PCNT: variants seen among roughly 807,000 people sequenced by gnomAD.
The protein encoded by PCNT is kendrin.
In PCNT, 319 loss-of-function variants were observed where a neutral mutation model predicts 380.4. The observed-to-expected ratio is 0.84, with a 90% CI of 0.77 to 0.92. PCNT has a LOEUF of 0.92. Ranked by LOEUF, PCNT falls within the 40% of genes least tolerant of loss-of-function variation. The pLI, the probability that PCNT is intolerant of heterozygous loss-of-function variation, is 0.00. For synonymous variants in PCNT, 1,845 were observed against 1,735.2 expected (o/e 1.06, Z -1.57); for missense variants, 4,400 against 4,255.3 (o/e 1.03, Z -0.95).
In PCNT at chr21:46,363,822, G is replaced by A. The variant is rs146717358; in HGVS notation, c.2497G>A (p.Ala833Thr). 33 of 1,612,360 alleles carry A rather than the reference G, an allele frequency of 2.0e-5. No individual in the cohort carries two copies. Among genetic ancestry groups the A allele is most frequent in the East Asian group, 6.7e-5 (3 of 44,876 alleles). ...QLEQDLTSDD[A>T]LHCSQCGREP... ...GGAACAGGACCTCACTTCAGACGACGCCCTGCATTGCAGCCAGTGTGGGCG... is the reference window on the plus strand; with the variant it reads ...GGAACAGGACCTCACTTCAGACGACACCCTGCATTGCAGCCAGTGTGGGCG... Residue 833 changes from alanine to threonine, a missense_variant, in exon 14 of 47, where the codon GCC becomes ACC. Transcript: ENST00000359568.
intron 35 of PCNT, among the ~76,000 whole-genome samples, chr21:46,429,536 G>A (rs565519506): frequency 4.8e-4 from 73 of 152,204 alleles, no homozygotes; most frequent in Non-Finnish European, 7.1e-4. Flanking sequence ...GCACTGGTCT[G>A]TTTTCTGTTG....
At chr21:46,402,565 G>T in intron 27 of PCNT, 82 bp downstream of exon 27, 1 of 1,468,066 alleles carries the variant, frequency 6.8e-7, no homozygotes, top group Non-Finnish European at 9.5e-7. Flanking sequence ...CCTCATCGGG[G>T]AGGCGAGTCT....
intron 16 of PCNT, among the ~76,000 whole-genome samples, chr21:46,385,380 G>C (rs1402986522): frequency 6.6e-6 from 1 of 152,168 alleles, no homozygotes; most frequent in African/African-American, 2.4e-5. Flanking sequence ...TTGCCTGCCT[G>C]GCAACTGACT....
At chr21:46,406,083 C>T (rs1468450570) in intron 27 of PCNT, among the ~76,000 whole-genome samples, 1 of 152,294 alleles carries the variant, frequency 6.6e-6, no homozygotes, top group African/African-American at 2.4e-5. Context: ...CTGTATTCTA[C>T]CCTATTTTAT....
At chr21:46,367,589 G>A (rs2084974836) in intron 15 of PCNT, among the ~76,000 whole-genome samples, 1 of 152,186 alleles carries the variant, frequency 6.6e-6, no homozygotes, top group Non-Finnish European at 1.5e-5. Flanking sequence ...TTACAGGTAT[G>A]AGCCACCGCA....
In PCNT at chr21:46,428,434, C is replaced by G. The variant is rs1262789544; in HGVS notation, c.7534C>G (p.Pro2512Ala). Residue 2512 changes from proline (P) to alanine (A), a missense_variant, in exon 35 of 47, where the codon CCG becomes GCG. By Grantham distance (27) the Pro-to-Ala change is conservative. Coordinates refer to ENST00000359568, the MANE Select transcript of PCNT (RefSeq NM_006031.6). ...QEKSLEHLRLPDRSSLLSEIQ... is the reference protein window; with the variant it reads ...QEKSLEHLRLADRSSLLSEIQ... ...AAAGTCCCTGGAGCATCTTCGCTTG[C>G]CGGACCGGAGCAGCCTGCTGTCCGA... is the stretch of plus-strand genomic sequence containing the variant. The G allele has an allele frequency of 1.9e-6, 3 of 1,612,516 alleles. No individual in the cohort carries two copies. The highest frequency in any genetic ancestry group is 2.5e-6 in the Non-Finnish European group (3 of 1,179,858).
Position 46,430,331 on chromosome 21 carries a change from G to C in PCNT, c.7913+99G>C, listed in dbSNP as rs2087697009. 1.5e-5 allele frequency: 21 copies of C among 1,402,256 alleles called. No homozygotes were observed. The South Asian group carries it at 2.5e-4, about 16-fold the overall frequency. The allele number at this position is 1,402,256 out of a possible 1,614,324, so 86.9% of individuals were successfully genotyped here. ...GAGACAGAACCTCTGGTGGGCCGCA[G>C]TTGGGCAGCCCCAGGGGCACCGCGC... On this transcript the variant is annotated intron_variant, in intron 36 of 46. Transcript: ENST00000359568.
Position 46,388,309 on chromosome 21 carries a change from A to G in PCNT, c.3465-433A>G, listed in dbSNP as rs372281909. 6.6e-6 allele frequency among the ~76,000 whole-genome samples: 1 copy of G among 152,046 alleles called. No homozygotes were observed. The highest frequency in any genetic ancestry group is 1.5e-5 in the Non-Finnish European group (1 of 68,016). On this transcript the variant is annotated intron_variant, in intron 17 of 46. Coordinates refer to ENST00000359568, the MANE Select transcript of PCNT (RefSeq NM_006031.6). This position sits in a 1 kb window ranked among gnomAD's most constrained non-coding sequence, Gnocchi z 4.2. ...TCTTCCTGCCACACAACTCCTGTGA[A>G]TGTGTGGCTGAGGCGTGACTTGGTG... is the stretch of plus-strand genomic sequence containing the variant.
At chr21:46,356,180 CTGGCGTGGACTGTGCTGATGG>C (rs2084467807) in intron 12 of PCNT, among the ~76,000 whole-genome samples, 1 of 152,184 alleles carries the variant, frequency 6.6e-6, no homozygotes. Flanking sequence ...GCCCTGGCCA[CTGGCGTGGACTGTGCTGATGG>C]TGGGGCTGCC....
chr21:46,344,064 CTTTTCTTTTT>C (rs1327615160), intron 3 of PCNT, among the ~76,000 whole-genome samples: 5 of 149,652 alleles, frequency 3.3e-5, no homozygotes, highest in Admixed American at 2.0e-4. Context: ...CTTTTCTTTT[CTTTTCTTTTT>C]TTTTTTTTGA....
intron 3 of PCNT, among the ~76,000 whole-genome samples, chr21:46,341,065 G>T (rs1201851151): frequency 2.2e-4 from 2 of 8,974 alleles, no homozygotes; most frequent in South Asian, 8.3e-3. Context: ...TGTATTTTTA[G>T]TAGAGATGGG....
chr21:46,398,814 CTTTTTCTTTTTTTTTTT>C (rs930375859), intron 24 of PCNT, among the ~76,000 whole-genome samples: 1 of 136,748 alleles, frequency 7.3e-6, no homozygotes, highest in African/African-American at 2.7e-5. Context: ...CTTTTTTTTT[CTTTTTCTTTTTTTTTTT>C]TTTTTTGAGT....
chr21:46,423,204 CTTT>C (rs34458143), intron 32 of PCNT, among the ~76,000 whole-genome samples: 3 of 142,166 alleles, frequency 2.1e-5, no homozygotes, highest in Non-Finnish European at 3.1e-5. Context: ...TTTGCATTTC[CTTT>C]TTTTTTTTTT....
chr21:46,422,362 T>G (rs1307289691), intron 32 of PCNT, among the ~76,000 whole-genome samples: 2 of 152,206 alleles, frequency 1.3e-5, no homozygotes, highest in Non-Finnish European at 2.9e-5. Context: ...GGGAGGGTCC[T>G]GTGAGCCCGT....
chr21:46,429,356 C>T lies in PCNT; in HGVS notation c.7691-654C>T, dbSNP rs571617195. On this transcript the variant is annotated intron_variant, in intron 35 of 46. Coordinates refer to ENST00000359568, the MANE Select transcript of PCNT (RefSeq NM_006031.6). ...GGGGGGCTGGCGCTGTGCACGTGCT[C>T]GTGAGGGGCACGGGCAGGGGGTGCC... 9.9e-3 allele frequency among the ~76,000 whole-genome samples: 747 copies of T among 75,810 alleles called. 14 individuals are homozygous for T. The highest frequency in any genetic ancestry group is 0.062 in the African/African-American group (710 of 11,428). The allele number at this position is 75,810 out of a possible 152,430, so 49.7% of individuals were successfully genotyped here.
Position 46,444,730 on chromosome 21 carries a change from C to G in PCNT, c.9876C>G (p.Ser3292=). The part of the protein sequence containing the change: ...TPSPNSRLER[S]LTASQDPEHS... ...CCCCAAATTCAAGATTAGAAAGATC[C>G]CTGACTGCTTCTCAAGATCCAGAAC... Residue 3292 remains serine, a synonymous_variant, in exon 46 of 47, where the codon TCC becomes TCG. Coordinates refer to ENST00000359568, the MANE Select transcript of PCNT (RefSeq NM_006031.6). The G allele has an allele frequency of 6.2e-7, 1 of 1,612,998 alleles. No individual in the cohort carries two copies. The highest frequency in any genetic ancestry group is 1.3e-5 in the African/African-American group (1 of 74,798).
chr21:46,403,765 G>A (rs1200235698), intron 27 of PCNT, among the ~76,000 whole-genome samples: 5 of 134,380 alleles, frequency 3.7e-5, no homozygotes, highest in South Asian at 2.5e-4. Context: ...GCGCGTGCTC[G>A]GTGAATGAAC....
intron 27 of PCNT, 59 bp downstream of exon 27, chr21:46,402,542 C>G (rs1444373275): frequency 1.9e-6 from 3 of 1,583,494 alleles, no homozygotes; most frequent in African/African-American, 1.3e-5. Flanking sequence ...CGGTGCCGAG[C>G]GGCCACCAAG....
intron 19 of PCNT, 124 bp from the exon 20 acceptor site, chr21:46,390,546 C>G: frequency 1.0e-6 from 1 of 1,000,598 alleles, no homozygotes; most frequent in South Asian, 1.3e-5. Context: ...GTCACCCTGG[C>G]CTGGCCCTGC....
Sources: allele counts gnomAD v4.1 joint callset (sites outside exome capture counted in the v4.1 genomes callset), GRCh38; gene constraint gnomAD v4.1.1; non-coding constraint Gnocchi (gnomAD v3.1); transcripts MANE v1.5; gene names NCBI Gene and HGNC (gene_info 2026-07-23, HGNC 2026-07-21).